The following CAMK1D variants were observed in gnomAD, a reference collection of about 807,000 sequenced individuals.
CAMK1D encodes calcium/calmodulin dependent protein kinase ID.
CAMK1D carries 9 observed loss-of-function variants against 47.7 expected under a neutral mutation model. The observed-to-expected ratio is 0.19, with a 90% CI of 0.11 to 0.33. The LOEUF (loss-of-function observed/expected upper bound fraction) is 0.33, where lower values mean the gene tolerates loss of function less well. Ranked by LOEUF, CAMK1D falls within the 10% of genes least tolerant of loss-of-function variation. CAMK1D has a pLI of 1.00. For missense variants in CAMK1D, 291 were observed against 488.7 expected, an observed-to-expected ratio of 0.60 and a Z score of 3.81; for synonymous variants, 184 against 184.9, an observed-to-expected ratio of 0.99 and a Z score of 0.04.
chr10:12,584,239 G>A (rs1189504090), intron 2 of CAMK1D, among the ~76,000 whole-genome samples: 1 of 152,142 alleles, frequency 6.6e-6, no homozygotes, highest in Admixed American at 6.5e-5. Flanking sequence ...TACATTTTAA[G>A]GGATAATTAA....
intron 1 of CAMK1D, among the ~76,000 whole-genome samples, chr10:12,527,503 C>T (rs12262362): frequency 0.12 from 17,616 of 151,870 alleles, 1,266 homozygotes; most frequent in East Asian, 0.28. Flanking sequence ...TATAGGCATG[C>T]GCCACCACGC....
At chr10:12,755,730 T>TTAA (rs558630434) in intron 3 of CAMK1D, among the ~76,000 whole-genome samples, 415 of 151,974 alleles carry the variant, frequency 2.7e-3, no homozygotes, top group Middle Eastern at 0.014. Flanking sequence ...CCCTAAAACT[T>TTAA]TAATAATAAT....
intron 4 of CAMK1D, among the ~76,000 whole-genome samples, chr10:12,766,386 G>A (rs1326018044): frequency 3.2e-5 from 4 of 124,530 alleles, no homozygotes; most frequent in African/African-American, 9.6e-5. Flanking sequence ...TTTTTGAGAC[G>A]GAGTGTTGCC....
chr10:12,747,823 G>C (rs955467934), intron 3 of CAMK1D, among the ~76,000 whole-genome samples: 2 of 152,154 alleles, frequency 1.3e-5, no homozygotes, highest in African/African-American at 2.4e-5. Flanking sequence ...CAATGTCCCA[G>C]CTTTAAAGCA....
At chr10:12,476,836 C>T (rs1833916779) in intron 1 of CAMK1D, among the ~76,000 whole-genome samples, 1 of 152,196 alleles carries the variant, frequency 6.6e-6, no homozygotes, top group South Asian at 2.1e-4. Context: ...GCCTGCCCAT[C>T]TGTACACTGG....
intron 3 of CAMK1D, among the ~76,000 whole-genome samples, chr10:12,672,193 G>A (rs1840643656): frequency 6.6e-6 from 1 of 151,654 alleles, no homozygotes; most frequent in East Asian, 2.0e-4. Flanking sequence ...GGGATTACAA[G>A]CGTGAGCCAC....
At position 12,525,402 on chromosome 10, in the gene CAMK1D, T is replaced by C. The variant is rs1047083174; in HGVS notation, c.93-27823T>C. Among the ~76,000 whole-genome samples the C allele has an allele frequency of 3.0e-4, 46 of 152,232 alleles. 1 individual carries two copies. The highest frequency in any genetic ancestry group is 1.1e-3 in the African/African-American group (46 of 41,458). On this transcript the variant is annotated intron_variant, in intron 1 of 10. Transcript: ENST00000619168. ...AGATCTTTTGATATTGTCCCAGGTA[T>C]CTTTAAGCTCTTTTCACCTATTCTC...
chr10:12,639,815 C>T (rs540820256), intron 2 of CAMK1D, among the ~76,000 whole-genome samples: 263 of 152,076 alleles, frequency 1.7e-3, no homozygotes, highest in Non-Finnish European at 2.9e-3. Flanking sequence ...TGTTATTTAA[C>T]AATCAAATGA....
At chr10:12,593,850 G>A (rs375662820) in intron 2 of CAMK1D, among the ~76,000 whole-genome samples, 2 of 152,124 alleles carry the variant, frequency 1.3e-5, no homozygotes, top group South Asian at 2.1e-4. Flanking sequence ...GGCAGTTTTT[G>A]TGCTGGATTG....
intron 8 of CAMK1D, among the ~76,000 whole-genome samples, chr10:12,823,155 T>C (rs1833071340): frequency 6.6e-6 from 1 of 152,172 alleles, no homozygotes; most frequent in South Asian, 2.1e-4. Context: ...GTTCCTTTCA[T>C]CTCCTGAAGT....
At chr10:12,561,736 T>C (rs2815619) in intron 2 of CAMK1D, among the ~76,000 whole-genome samples, 152,363 of 152,372 alleles carry the variant, frequency 1, 76,177 homozygotes, top group Non-Finnish European at 1. Flanking sequence ...TTGGTGCTTC[T>C]AGTGGCTTTC....
intron 1 of CAMK1D, among the ~76,000 whole-genome samples, chr10:12,373,546 C>T (rs140261204): frequency 4.0e-5 from 6 of 151,724 alleles, no homozygotes; most frequent in African/African-American, 7.3e-5. Context: ...GCAGGAGAAT[C>T]GCTTGAACCT....
At chr10:12,466,436 T>G (rs1230761701) in intron 1 of CAMK1D, among the ~76,000 whole-genome samples, 1 of 151,638 alleles carries the variant, frequency 6.6e-6, no homozygotes, top group Non-Finnish European at 1.5e-5. Context: ...TTTTTAAAAT[T>G]TAGCTGGGAG....
At chr10:12,566,621 G>A (rs1009304172) in intron 2 of CAMK1D, among the ~76,000 whole-genome samples, 3 of 152,212 alleles carry the variant, frequency 2.0e-5, no homozygotes, top group African/African-American at 7.2e-5. Context: ...GTGATTGCCC[G>A]AGGTCATGGA....
chr10:12,583,597 G>A (rs1837725507), intron 2 of CAMK1D, among the ~76,000 whole-genome samples: 1 of 145,326 alleles, frequency 6.9e-6, no homozygotes, highest in Non-Finnish European at 1.5e-5. Flanking sequence ...TTTTGTTGTT[G>A]TTGTTTTATT....
At chr10:12,721,689 A>AG (rs1356815048) in intron 3 of CAMK1D, among the ~76,000 whole-genome samples, 2 of 152,220 alleles carry the variant, frequency 1.3e-5, no homozygotes, top group Non-Finnish European at 2.9e-5. Flanking sequence ...CCGTAGTAAC[A>AG]GGTACACACA....
intron 2 of CAMK1D, among the ~76,000 whole-genome samples, chr10:12,564,121 C>CTT (rs769406979): frequency 2.0e-3 from 156 of 77,998 alleles, no homozygotes; most frequent in Non-Finnish European, 3.7e-3. Flanking sequence ...GTCTAGATGT[C>CTT]TCTCTCTCTC....
At chr10:12,738,135 A>G (rs141333684) in intron 3 of CAMK1D, among the ~76,000 whole-genome samples, 341 of 152,356 alleles carry the variant, frequency 2.2e-3, no homozygotes, top group Non-Finnish European at 3.8e-3. Context: ...GTAGGTGACA[A>G]TGTGTGGAAA....
Position 12,788,150 on chromosome 10 carries a change from C to T in CAMK1D, c.566-3008C>T, listed in dbSNP as rs150653053. Among the ~76,000 whole-genome samples the T allele has an allele frequency of 1.0e-3, 152 of 152,294 alleles. 1 individual carries two copies. The East Asian group carries it at 0.028, about 28-fold the overall frequency. On this transcript the variant is annotated intron_variant, in intron 5 of 10. Coordinates refer to ENST00000619168, the MANE Select transcript of CAMK1D (RefSeq NM_153498.4). ...AATTTAAACTTTCCCCCATAACAAC[C>T]ATGCTGTTATCCAAAGCAGAAATCT...
Sources: allele counts gnomAD v4.1 joint callset (sites outside exome capture counted in the v4.1 genomes callset), GRCh38; gene constraint gnomAD v4.1.1; transcripts MANE v1.5; gene names NCBI Gene and HGNC (gene_info 2026-07-23, HGNC 2026-07-21).